Variants in C12orf60 observed in about 807,000 individuals in gnomAD.
C12orf60 encodes the protein uncharacterized protein C12orf60.
For synonymous variants in C12orf60, 102 were observed against 94.6 expected (o/e 1.08, Z -0.45); for missense variants, 284 against 283.2 (o/e 1.00, Z -0.02).
chr12:14,814,050 G>A (rs1352465698), intron 1 of C12orf60: 1 of 152,060 alleles, frequency 6.6e-6, no homozygotes, highest in Non-Finnish European at 1.5e-5. Flanking sequence ...AAGACTGACG[G>A]GCTAATTCAA....
chr12:14,806,187 A>T (rs779977624), intron 1 of C12orf60: 1 of 1,613,968 alleles, frequency 6.2e-7, no homozygotes, highest in Non-Finnish European at 8.5e-7. Context: ...AAGAACAGCA[A>T]CTCCAATACT....
At chr12:14,807,903 G>A (rs1034091912) in intron 1 of C12orf60, among the ~76,000 whole-genome samples, 17 of 152,098 alleles carry the variant, frequency 1.1e-4, no homozygotes, top group African/African-American at 3.4e-4. Context: ...TGGTGGCTCA[G>A]GCCTGTAATC....
chr12:14,809,477 T>G (rs1950103936), intron 1 of C12orf60, among the ~76,000 whole-genome samples: 1 of 152,110 alleles, frequency 6.6e-6, no homozygotes, highest in Non-Finnish European at 1.5e-5. Flanking sequence ...TGGAACAAAT[T>G]AGTCCCCAAA....
intron 1 of C12orf60, 28 bp downstream of exon 1, chr12:14,803,779 A>T (rs973348288): frequency 3.1e-6 from 1 of 323,478 alleles, no homozygotes; most frequent in Admixed American, 4.9e-5. Flanking sequence ...AGAACGGTAC[A>T]TTCTGCAGAT....
chr12:14,805,902 TC>T lies in C12orf60; in HGVS notation c.-25+2153del, dbSNP rs878901658. 97 of 1,169,810 alleles carry T rather than the reference TC, an allele frequency of 8.3e-5. 1 individual carries two copies. In the South Asian group the frequency reaches 1.4e-3, roughly 17 times the overall value. The allele number at this position is 1,169,810 out of a possible 1,614,324, so 72.5% of individuals were successfully genotyped here. On this transcript the variant is annotated intron_variant, in intron 1 of 1. Coordinates refer to ENST00000330828, the MANE Select transcript of C12orf60 (RefSeq NM_175874.4). ...CTCCAAATTGTTTATCTTATTTAAG[TC>T]CATATTGGAAGCCTATAGAAAATGA...
At chr12:14,805,914 G>A (rs555649645) in intron 1 of C12orf60, 1 of 1,267,480 alleles carries the variant, frequency 7.9e-7, no homozygotes, top group Non-Finnish European at 1.1e-6. Context: ...CATATTGGAA[G>A]CCTATAGAAA....
At position 14,823,670 on chromosome 12, in the gene C12orf60, G is replaced by A. The variant is rs372175534; in HGVS notation, c.735G>A (p.Lys245=). 10 of 1,551,644 alleles carry A rather than the reference G, an allele frequency of 6.4e-6. No individual in the cohort carries two copies. The highest frequency in any genetic ancestry group is 1.4e-5 in the African/African-American group (1 of 72,320). The change falls in exon 2 of 2, where the codon AAG becomes AAA. Residue 245 remains lysine (K), a synonymous_variant. Transcript: ENST00000330828. ...NISVFKKASD[K] ...CTGTGTTTAAGAAAGCCAGTGACAA[G>A]TAGGGATGCAACAGAAATGTTCATT...
At chr12:14,808,622 A>G (rs757573364) in intron 1 of C12orf60, among the ~76,000 whole-genome samples, 1 of 152,226 alleles carries the variant, frequency 6.6e-6, no homozygotes, top group Non-Finnish European at 1.5e-5. Context: ...TCGTATGGAT[A>G]TAAGTTGGCA....
chr12:14,806,809 T>C (rs1190776596), intron 1 of C12orf60: 3 of 970,990 alleles, frequency 3.1e-6, no homozygotes, highest in Non-Finnish European at 4.5e-6. Context: ...CAAGATGCTG[T>C]CTAAGGATAA....
intron 1 of C12orf60, among the ~76,000 whole-genome samples, chr12:14,808,474 T>G (rs1267015136): frequency 6.6e-6 from 1 of 152,108 alleles, no homozygotes; most frequent in Non-Finnish European, 1.5e-5. Context: ...GTAAATAATA[T>G]CGTAATTAAT....
intron 1 of C12orf60, among the ~76,000 whole-genome samples, chr12:14,810,812 T>C (rs1950124700): frequency 6.6e-6 from 1 of 152,190 alleles, no homozygotes; most frequent in Non-Finnish European, 1.5e-5. Flanking sequence ...GTATTTTCGC[T>C]ATTGCCCTTA....
chr12:14,805,845 A>T, intron 1 of C12orf60: 1 of 748,798 alleles, frequency 1.3e-6, no homozygotes, highest in Non-Finnish European at 2.1e-6. Context: ...AAACTCATCT[A>T]GTCATCTAGT....
intron 1 of C12orf60, among the ~76,000 whole-genome samples, chr12:14,811,716 A>G (rs762466713): frequency 3.5e-4 from 53 of 152,216 alleles, no homozygotes; most frequent in Non-Finnish European, 6.9e-4. Flanking sequence ...TTTTTCAGAA[A>G]AGGAACTACC....
At chr12:14,808,566 T>G (rs1431965515) in intron 1 of C12orf60, among the ~76,000 whole-genome samples, 1 of 152,132 alleles carries the variant, frequency 6.6e-6, no homozygotes, top group African/African-American at 2.4e-5. Flanking sequence ...GAATGAAGAT[T>G]TTTTTCTTTC....
chr12:14,812,635 G>A (rs1950159081), intron 1 of C12orf60, among the ~76,000 whole-genome samples: 1 of 151,982 alleles, frequency 6.6e-6, no homozygotes, highest in African/African-American at 2.4e-5. Context: ...AGTGGCATAA[G>A]TAATGGGAAT....
At chr12:14,821,875 G>A (rs1310916993) in intron 1 of C12orf60, among the ~76,000 whole-genome samples, 1 of 151,786 alleles carries the variant, frequency 6.6e-6, no homozygotes. Flanking sequence ...CACCACAGTT[G>A]CTTCTGCCTA....
chr12:14,818,393 C>T (rs1044655469), intron 1 of C12orf60, among the ~76,000 whole-genome samples: 49 of 152,298 alleles, frequency 3.2e-4, no homozygotes, highest in African/African-American at 1.1e-3. Flanking sequence ...AGTCTTTGCC[C>T]ATGCCTATGT....
At chr12:14,808,097 G>T (rs985522602) in intron 1 of C12orf60, among the ~76,000 whole-genome samples, 1 of 152,098 alleles carries the variant, frequency 6.6e-6, no homozygotes, top group Non-Finnish European at 1.5e-5. Context: ...ACACGGAGGT[G>T]GAGGTTGCAG....
At chr12:14,810,301 A>T (rs944946703) in intron 1 of C12orf60, among the ~76,000 whole-genome samples, 1 of 152,246 alleles carries the variant, frequency 6.6e-6, no homozygotes, top group Non-Finnish European at 1.5e-5. Context: ...GATAAGAAGC[A>T]CTGGGGAATT....
Sources: allele counts gnomAD v4.1 joint callset (sites outside exome capture counted in the v4.1 genomes callset), GRCh38; gene constraint gnomAD v4.1.1; transcripts MANE v1.5; gene names NCBI Gene and HGNC (gene_info 2026-07-23, HGNC 2026-07-21).